The following ROCK1 variants were observed in gnomAD, a reference collection of about 807,000 sequenced individuals.
ROCK1 encodes Rho associated coiled-coil containing protein kinase 1, also known as rho-associated protein kinase 1.
In ROCK1, 36 loss-of-function variants were observed where a neutral mutation model predicts 196.8. The observed-to-expected ratio is 0.18, with a 90% confidence interval of 0.14 to 0.24. ROCK1 has a LOEUF of 0.24. Among genes scored for constraint, ROCK1 ranks in the 10% least tolerant of loss-of-function variants. ROCK1 has a pLI of 1.00. For synonymous variants in ROCK1, 443 were observed against 515.9 expected (o/e 0.86, Z 1.91); for missense variants, 920 against 1,562.0 (o/e 0.59, Z 6.93).
chr18:20,970,390 T>C lies in ROCK1; in HGVS notation c.2778A>G (p.Arg926=). ...CTTTATCTGTAATCTCTTGTCTATT[T>C]CTTGAAGCAGCTTTCTTGCTTTCTT... ...LTQESKKAAS[R]NRQEITDKDH... The change falls in exon 23 of 33, where the codon AGA becomes AGG. Residue 926 remains arginine, a synonymous_variant. Transcript: ENST00000399799. The C allele has an allele frequency of 6.2e-7, 1 of 1,613,998 alleles. No homozygotes were observed. The highest frequency in any genetic ancestry group is 1.1e-5 in the South Asian group (1 of 91,078).
Position 20,986,992 on chromosome 18 carries a change from T to C in ROCK1, c.2262A>G (p.Lys754=). 1 of 1,608,098 alleles carries C rather than the reference T, an allele frequency of 6.2e-7. No homozygotes were observed. Among genetic ancestry groups the C allele is most frequent in the East Asian group, 2.2e-5 (1 of 44,598 alleles). ...LDVDLKQSQQ[K]LEHLTGNKER... ...CTTTATTTCCAGTCAAATGTTCTAGTTTCTGCTGAGATTGCTTCAGATCAA... is the reference window on the plus strand; with the variant it reads ...CTTTATTTCCAGTCAAATGTTCTAGCTTCTGCTGAGATTGCTTCAGATCAA... The change falls in exon 19 of 33, where the codon AAA becomes AAG. Residue 754 remains lysine, a synonymous_variant. Transcript: ENST00000399799.
chr18:21,088,857 G>C (rs2036548076), intron 1 of ROCK1, among the ~76,000 whole-genome samples: 1 of 152,052 alleles, frequency 6.6e-6, no homozygotes, highest in African/African-American at 2.4e-5. Context: ...TCAGAGACTA[G>C]ACCCTCATCA....
chr18:20,979,738 T>C (rs1451647508), intron 22 of ROCK1, among the ~76,000 whole-genome samples, 172 bp downstream of exon 22: 3 of 151,942 alleles, frequency 2.0e-5, no homozygotes, highest in Non-Finnish European at 2.9e-5. Flanking sequence ...TATAGCACTG[T>C]TTTTTTCACC....
intron 10 of ROCK1, among the ~76,000 whole-genome samples, chr18:21,026,087 A>T (rs771565379): frequency 6.6e-6 from 1 of 152,192 alleles, no homozygotes; most frequent in African/African-American, 2.4e-5. Context: ...GCGGTTGTTT[A>T]TATCAACAAC....
chr18:20,971,345 T>TACACATACAC (rs1555744437), intron 22 of ROCK1, among the ~76,000 whole-genome samples: 14 of 147,544 alleles, frequency 9.5e-5, no homozygotes, highest in Admixed American at 2.7e-4. Context: ...CACACACACA[T>TACACATACAC]ACACACAGAA....
intron 13 of ROCK1, among the ~76,000 whole-genome samples, chr18:21,013,549 G>A (rs376151832): frequency 5.3e-5 from 8 of 152,320 alleles, no homozygotes; most frequent in African/African-American, 1.9e-4. Flanking sequence ...GGCAGTGGGA[G>A]GGGCACCCCC....
rs1327345596 is a variant in ROCK1, at chr18:20,987,036, G to C, written c.2218C>G (p.Gln740Glu). ...AGATCAACGTCTAGCATGGAACACT[G>C]TTTCTCAATCTGAACAACCCGATTT... The part of the protein sequence containing the change: ...AENRVVQIEK[Q>E]CSMLDVDLKQ... Residue 740 changes from glutamine to glutamate, a missense_variant, in exon 19 of 33, where the codon CAG becomes GAG. By Grantham distance (29) the Gln-to-Glu change is conservative (BLOSUM62 2). Transcript: ENST00000399799. 1.9e-6 allele frequency: 3 copies of C among 1,612,404 alleles called. No individual in the cohort carries two copies. The highest frequency in any genetic ancestry group is 1.7e-6 in the Non-Finnish European group (2 of 1,179,528).
At chr18:20,986,512 T>G (rs189776379) in intron 19 of ROCK1, among the ~76,000 whole-genome samples, 46 of 152,354 alleles carry the variant, frequency 3.0e-4, no homozygotes, top group South Asian at 6.2e-4. Flanking sequence ...TACTGTCATT[T>G]TATCTGTTTA....
chr18:20,959,076 ATATATATATTTTAT>A (rs2035288869), intron 29 of ROCK1, among the ~76,000 whole-genome samples: 1 of 39,492 alleles, frequency 2.5e-5, no homozygotes, highest in African/African-American at 1.6e-4. Flanking sequence ...ATATTATATA[ATATATATATTTTAT>A]ATAATATATA....
At chr18:20,957,181 G>T (rs2035250605) in intron 29 of ROCK1, among the ~76,000 whole-genome samples, 1 of 152,140 alleles carries the variant, frequency 6.6e-6, no homozygotes, top group Non-Finnish European at 1.5e-5. Flanking sequence ...CATGAGAAAT[G>T]AAAACATAAG....
intron 2 of ROCK1, among the ~76,000 whole-genome samples, chr18:21,050,524 C>T (rs1002839542): frequency 1.3e-5 from 2 of 152,100 alleles, no homozygotes; most frequent in Non-Finnish European, 2.9e-5. Flanking sequence ...GATAGATATT[C>T]TAATTCCTAA....
chr18:21,086,462 A>G (rs1312289654), intron 1 of ROCK1, among the ~76,000 whole-genome samples: 1 of 152,086 alleles, frequency 6.6e-6, no homozygotes, highest in Non-Finnish European at 1.5e-5. Flanking sequence ...TAAAATTCTT[A>G]TACAAATTAT....
intron 12 of ROCK1, among the ~76,000 whole-genome samples, chr18:21,017,433 G>A (rs1598529683): frequency 6.6e-6 from 1 of 151,068 alleles, no homozygotes; most frequent in Admixed American, 6.6e-5. Context: ...CTTGTGATCC[G>A]CCTGCCTCGG....
Position 21,008,338 on chromosome 18 carries a change from T to C in ROCK1, c.1411-144A>G, listed in dbSNP as rs568326269. ...AATGTTCTGTTTCAAACGCAAATAG[T>C]ATCTCCTAATACAACTTTCTAAGTA... On this transcript the variant is annotated intron_variant, in intron 13 of 32. Transcript: ENST00000399799. The C allele has an allele frequency of 3.5e-3, 1,981 of 558,854 alleles. 5 individuals carry two copies. The highest frequency in any genetic ancestry group is 5.2e-3 in the Non-Finnish European group (1,753 of 336,546). The allele number at this position is 558,854 out of a possible 1,614,324, so 34.6% of individuals were successfully genotyped here. A position where few individuals can be genotyped will look rare whatever the true frequency, so the allele number is the denominator to read the frequency against.
rs1339299972 is a variant in ROCK1, at chr18:20,950,096, TAAAC to T, written c.*1284_*1287del. On this transcript the variant is annotated 3_prime_UTR_variant, in exon 33 of 33. Transcript: ENST00000399799. ...CTGAGGAGGTATTTGGTTAAAAAAA[TAAAC>T]AATAAATCATACTGTCCATATGAAT... 6.5e-6 allele frequency: 1 copy of T among 152,742 alleles called. No individual in the cohort carries two copies. Among genetic ancestry groups the T allele is most frequent in the African/African-American group, 2.4e-5 (1 of 41,548 alleles). 9.5% of individuals were successfully genotyped at this position (152,742 alleles called of 1,614,324 possible).
At chr18:20,980,743 C>T (rs2035524501) in intron 21 of ROCK1, among the ~76,000 whole-genome samples, 8 of 151,654 alleles carry the variant, frequency 5.3e-5, no homozygotes, top group Admixed American at 5.3e-4. Context: ...AGTGAAACCT[C>T]GTTTCTACTA....
chr18:21,001,634 G>A (rs1396473763), intron 16 of ROCK1, among the ~76,000 whole-genome samples: 42 of 151,738 alleles, frequency 2.8e-4, no homozygotes, highest in African/African-American at 9.7e-4. Flanking sequence ...GCATGGTGGC[G>A]CATGCCTGTA....
chr18:20,977,441 C>A (rs2035490906), intron 22 of ROCK1, among the ~76,000 whole-genome samples: 1 of 152,156 alleles, frequency 6.6e-6, no homozygotes, highest in Admixed American at 6.5e-5. Flanking sequence ...ATCCCATTCC[C>A]TGGCTAATTC....
chr18:21,046,286 A>G (rs187697415), intron 4 of ROCK1, among the ~76,000 whole-genome samples: 57 of 152,306 alleles, frequency 3.7e-4, no homozygotes, highest in Non-Finnish European at 7.2e-4. Context: ...ATCTCTTCTA[A>G]AACACTGTAA....
Sources: allele counts gnomAD v4.1 joint callset (sites outside exome capture counted in the v4.1 genomes callset), GRCh38; gene constraint gnomAD v4.1.1; transcripts MANE v1.5; gene names NCBI Gene and HGNC (gene_info 2026-07-23, HGNC 2026-07-21).